PIDD1: variants seen among roughly 807,000 people sequenced by gnomAD.
The protein encoded by PIDD1 is p53-induced death domain-containing protein 1.
Under a neutral mutation model 80.0 loss-of-function variants are expected in PIDD1, and 72 were observed. The ratio of observed to expected loss-of-function variants is 0.90; its 90% CI spans 0.74 to 1.09. PIDD1 has a LOEUF of 1.09. PIDD1 is among the 50% of genes least tolerant of loss of function. PIDD1 has a pLI of 0.00. For synonymous variants in PIDD1, 655 were observed against 543.5 expected (o/e 1.21, Z -2.85); for missense variants, 1,329 against 1,228.3 (o/e 1.08, Z -1.23).
Position 804,472 on chromosome 11 carries a change from G to C in PIDD1, c.-75-9C>G. The C allele has an allele frequency of 2.0e-6, 3 of 1,494,264 alleles. No homozygotes were observed. In the South Asian group the frequency reaches 4.0e-5, roughly 20 times the overall value. 92.6% of individuals were successfully genotyped at this position (1,494,264 alleles called of 1,614,324 possible). ...GGCAGCGCCCGGGGAAGCTGCAGAG[G>C]CAGGAGGAGGAGTGAGCGGGAGCCG... On this transcript the variant is annotated splice_polypyrimidine_tract_variant and intron_variant, in intron 1 of 15. Coordinates refer to ENST00000347755, the MANE Select transcript of PIDD1 (RefSeq NM_145886.4).
chr11:801,205 G>C lies in PIDD1; in HGVS notation c.1630+13C>G. 2.6e-6 allele frequency: 4 copies of C among 1,546,574 alleles called. No individual in the cohort carries two copies. Among genetic ancestry groups the C allele is most frequent in the Non-Finnish European group, 3.5e-6 (4 of 1,143,834 alleles). Reference sequence around the variant, plus strand: ...GGCCACAGGTCCAGGTATGCCCCATGGCTGCCTCTCACCTGTGATGCCAGA... The same window carrying C: ...GGCCACAGGTCCAGGTATGCCCCATCGCTGCCTCTCACCTGTGATGCCAGA... On this transcript the variant is annotated intron_variant, in intron 9 of 15. Coordinates refer to ENST00000347755, the MANE Select transcript of PIDD1 (RefSeq NM_145886.4).
chr11:802,814 G>T lies in PIDD1; in HGVS notation c.787C>A (p.Pro263Thr), dbSNP rs746941505. Reference protein sequence around the residue: ...ASVPADLARLPLLTRLDLRDN... With the variant: ...ASVPADLARLTLLTRLDLRDN... The stretch of plus-strand genomic sequence containing the variant: ...CTCAGGTCGAGCCGGGTGAGGAGTG[G>T]AAGGCGGGCCAAGTCAGCTGGCACA... Residue 263 changes from proline to threonine, a missense_variant, in exon 4 of 16, where the codon CCA becomes ACA. Transcript: ENST00000347755. 3 of 1,602,180 alleles carry T rather than the reference G, an allele frequency of 1.9e-6. No homozygotes were observed. Among genetic ancestry groups the T allele is most frequent in the Non-Finnish European group, 1.7e-6 (2 of 1,175,304 alleles).
chr11:803,433 C>A lies in PIDD1; in HGVS notation c.450G>T (p.Leu150=), dbSNP rs1865544413. The change falls in exon 3 of 16, where the codon CTG becomes CTT. Residue 150 remains leucine (L), a synonymous_variant. Coordinates refer to ENST00000347755, the MANE Select transcript of PIDD1 (RefSeq NM_145886.4). ...LPACVLQMRG[L]GALLLSHNCL... ...AGTTGTGAGACAGCAAGAGCGCACC[C>A]AGACCTCGCATCTGCAGGACACAGG... is the stretch of plus-strand genomic sequence containing the variant. 9 of 1,613,788 alleles carry A rather than the reference C, an allele frequency of 5.6e-6. No individual in the cohort carries two copies. In the African/African-American group the frequency reaches 9.3e-5, roughly 17 times the overall value.
Position 799,823 on chromosome 11 carries a change from G to A in PIDD1, c.2466C>T (p.His822=), listed in dbSNP as rs947987689. The stretch of plus-strand genomic sequence containing the variant: ...GGCAGTGGGAGCCTCACCGGAACTC[G>A]TGCCGGATGCGCTGCACCTCCCGGT... ...VSYREVQRIR[H]EFRDDLDEQI... The change falls in exon 15 of 16, where the codon CAC becomes CAT. Residue 822 remains histidine (H), a synonymous_variant. Transcript: ENST00000347755. 7 of 1,582,932 alleles carry A rather than the reference G, an allele frequency of 4.4e-6. No homozygotes were observed. Among genetic ancestry groups the A allele is most frequent in the Non-Finnish European group, 4.3e-6 (5 of 1,164,870 alleles).
Position 805,204 on chromosome 11 carries a change from G to A in PIDD1, c.-101C>T, listed in dbSNP as rs558456132. On this transcript the variant is annotated 5_prime_UTR_variant, in exon 1 of 16. Transcript: ENST00000347755. ...CTGCGCTGCAGGCGGCGCGCAAAGG[G>A]TGGCTGCTCAGCGGGCGCTCGGCGC... 2 of 983,292 alleles carry A rather than the reference G, an allele frequency of 2.0e-6. No individual in the cohort carries two copies. The highest frequency in any genetic ancestry group is 2.4e-6 in the Non-Finnish European group (2 of 828,102). 60.9% of individuals were successfully genotyped at this position (983,292 alleles called of 1,614,324 possible). A position where few individuals can be genotyped will look rare whatever the true frequency, so the allele number is the denominator to read the frequency against.
Position 803,302 on chromosome 11 carries a change from G to C in PIDD1, c.581C>G (p.Ser194Cys). ...QTLPPALGAL[S>C]TLQRLDLSQN... ...AGAGAGATCGAGGCGCTGCAGGGTG[G>C]ATAGGGCCCCCAGTGCTGGGGGCAG... Residue 194 changes from serine (S) to cysteine (C), a missense_variant, in exon 3 of 16, where the codon TCC (serine) becomes TGC (cysteine). Transcript: ENST00000347755. 6.2e-7 allele frequency: 1 copy of C among 1,613,876 alleles called. No homozygotes were observed. The highest frequency in any genetic ancestry group is 8.5e-7 in the Non-Finnish European group (1 of 1,179,960).
chr11:799,921 T>G lies in PIDD1; in HGVS notation c.2368A>C (p.Ser790Arg). ...CGCCCAGCCACACTCAGCAGGTTGC[T>G]CTGCGTCAGAAAGCCGGTCTCGGCA... is the stretch of plus-strand genomic sequence containing the variant. Reference protein sequence around the residue: ...GDAETGFLTQSNLLSVAGRLG... With the variant: ...GDAETGFLTQRNLLSVAGRLG... Residue 790 changes from serine to arginine, a missense_variant, in exon 15 of 16, where the codon AGC (serine) becomes CGC (arginine). Coordinates refer to ENST00000347755, the MANE Select transcript of PIDD1 (RefSeq NM_145886.4). 1 of 1,612,708 alleles carries G rather than the reference T, an allele frequency of 6.2e-7. No individual in the cohort carries two copies. The highest frequency in any genetic ancestry group is 1.1e-5 in the South Asian group (1 of 91,088).
chr11:801,670 C>T (rs1280688289), intron 7 of PIDD1, 46 bp from the exon 8 acceptor site: 2 of 1,474,466 alleles, frequency 1.4e-6, no homozygotes, highest in East Asian at 4.9e-5. Flanking sequence ...GGTCAGGGCA[C>T]AGCCAGTCAG....
At position 802,750 on chromosome 11, in the gene PIDD1, T is replaced by A. The variant is rs977236940; in HGVS notation, c.851A>T (p.Asp284Val). ...CCCCTGCAGGCGCACAAAGGGGGCGTCTAGCAGCTCAGGGGGCAGGTCCCG... is the reference window on the plus strand; with the variant it reads ...CCCCTGCAGGCGCACAAAGGGGGCGACTAGCAGCTCAGGGGGCAGGTCCCG... ...QLRDLPPELL[D>V]APFVRLQGNP... is the part of the protein sequence containing the mutation. Residue 284 changes from aspartate (D) to valine (V), a missense_variant, in exon 4 of 16, where the codon GAC (aspartate) becomes GTC (valine). Asp to Val is a radical substitution (Grantham distance 152, BLOSUM62 -3). Transcript: ENST00000347755. The A allele has an allele frequency of 1.9e-6, 3 of 1,610,734 alleles. No individual in the cohort carries two copies. In the African/African-American group the frequency reaches 4.0e-5, roughly 22 times the overall value.
Position 801,456 on chromosome 11 carries a change from C to A in PIDD1, c.1471G>T (p.Val491Phe). The change falls in exon 8 of 16, where the codon GTC becomes TTC. Residue 491 changes from valine (V) to phenylalanine (F), a missense_variant. Transcript: ENST00000347755. ...PPGATEEPRR[V>F]SMQVVRMAGR... The stretch of plus-strand genomic sequence containing the variant: ...TGTCCTGGCCATACCTGCATGGAGA[C>A]TCGACGAGGCTCCTCAGTGGCCCCA... 6.5e-7 allele frequency: 1 copy of A among 1,543,302 alleles called. No individual in the cohort carries two copies.
chr11:807,794 T>A (rs555413869), upstream of PIDD1, among the ~76,000 whole-genome samples: 34 of 152,134 alleles, frequency 2.2e-4, no homozygotes, highest in African/African-American at 7.9e-4. Flanking sequence ...AATAAATAAA[T>A]AGAATCCACT....
chr11:801,421 C>T (rs560823078), intron 8 of PIDD1, 24 bp downstream of exon 8: 5 of 1,566,020 alleles, frequency 3.2e-6, no homozygotes, highest in Non-Finnish European at 3.5e-6. Flanking sequence ...CGGCCTGCCA[C>T]CCTCAGTGCT....
At chr11:803,693 C>A in intron 2 of PIDD1, 106 bp from the exon 3 acceptor site, 1 of 1,257,770 alleles carries the variant, frequency 8.0e-7, no homozygotes, top group Non-Finnish European at 1.1e-6. Flanking sequence ...GACCTCCCAC[C>A]CCACCCCCAC....
At position 801,532 on chromosome 11, in the gene PIDD1, C is replaced by T. The variant is rs184688367; in HGVS notation, c.1395G>A (p.Gly465=). 9.5e-5 allele frequency: 148 copies of T among 1,565,850 alleles called. 2 individuals are homozygous for T. The Admixed American group carries it at 2.2e-3, about 23-fold the overall frequency. The change falls in exon 8 of 16, where the codon GGG becomes GGA. Residue 465 remains glycine (G), a synonymous_variant. Transcript: ENST00000347755. The part of the protein sequence containing the change: ...VSNACLVPPE[G]TLLCSSGHPG... ...GATGACCCGAGGAGCACAGCAGTGT[C>T]CCCTCCGGTGGCACCAGGCAGGCAT...
chr11:799,729 G>T (rs1208761998), intron 15 of PIDD1, 86 bp downstream of exon 15: 13 of 1,385,232 alleles, frequency 9.4e-6, no homozygotes, highest in Non-Finnish European at 1.1e-5. Flanking sequence ...TCCCCTGGAA[G>T]AAACTTCTGT....
chr11:800,568 G>A lies in PIDD1; in HGVS notation c.2016C>T (p.Phe672=), dbSNP rs142243933. Residue 672 remains phenylalanine, a synonymous_variant, in exon 12 of 16, where the codon TTC becomes TTT. Transcript: ENST00000347755. ...MFEGEEFFAA[F]ERGIDVDADR... ...CAGCATCCACGTCGATGCCGCGCTCGAAGGCCGCAAAGAACTCTTCGCCCT... is the reference window on the plus strand; with the variant it reads ...CAGCATCCACGTCGATGCCGCGCTCAAAGGCCGCAAAGAACTCTTCGCCCT... The A allele has an allele frequency of 8.3e-4, 1,338 of 1,608,482 alleles. 2 individuals are homozygous for A. Among genetic ancestry groups the A allele is most frequent in the Non-Finnish European group, 9.1e-4 (1,075 of 1,179,336 alleles).
rs1374746017 is a variant in PIDD1 at position 799,275 on chromosome 11, A to C, written c.*32T>G. Reference sequence around the variant, plus strand: ...TGGGGGCTCTGCCCATCCACTGGGGAATATCTGGGCCAGCCTAAAAGTCTG... The same window carrying C: ...TGGGGGCTCTGCCCATCCACTGGGGCATATCTGGGCCAGCCTAAAAGTCTG... On this transcript the variant is annotated 3_prime_UTR_variant, in exon 16 of 16. Transcript: ENST00000347755. The C allele has an allele frequency of 6.5e-7, 1 of 1,539,764 alleles. No homozygotes were observed. Among genetic ancestry groups the C allele is most frequent in the South Asian group, 1.2e-5 (1 of 82,870 alleles).
At position 803,338 on chromosome 11, in the gene PIDD1, C is replaced by T. The variant is rs777415965; in HGVS notation, c.545G>A (p.Arg182His). 34 of 1,613,902 alleles carry T rather than the reference C, an allele frequency of 2.1e-5. No homozygotes were observed. Among genetic ancestry groups the T allele is most frequent in the Middle Eastern group, 3.3e-4 (2 of 6,062 alleles). The change falls in exon 3 of 16, where the codon CGC becomes CAC. Residue 182 changes from arginine to histidine, a missense_variant. By Grantham distance (29) the Arg-to-His change is conservative (BLOSUM62 0). Coordinates refer to ENST00000347755, the MANE Select transcript of PIDD1 (RefSeq NM_145886.4). ...ALTFLTVTHN[R>H]LQTLPPALGA... ...CAGTGCTGGGGGCAGCGTCTGCAGG[C>T]GGTTGTGTGTCACTGTGAGGAAGGT...
chr11:804,976 C>G (rs962225656), intron 1 of PIDD1: 1 of 155,248 alleles, frequency 6.4e-6, no homozygotes, highest in Non-Finnish European at 1.4e-5. Flanking sequence ...TCGTGAGCCC[C>G]GGAGGAAACC....
Sources: allele counts gnomAD v4.1 joint callset (sites outside exome capture counted in the v4.1 genomes callset), GRCh38; gene constraint gnomAD v4.1.1; transcripts MANE v1.5; gene names NCBI Gene and HGNC (gene_info 2026-07-23, HGNC 2026-07-21).